IL16: variants seen among roughly 807,000 people sequenced by gnomAD.
The protein encoded by IL16 is interleukin 16.
In IL16, 67 loss-of-function variants were observed where a neutral mutation model predicts 110.1. The ratio of observed to expected loss-of-function variants is 0.61; its 90% CI spans 0.50 to 0.75. IL16 has a LOEUF of 0.75. IL16 is among the 30% of genes least tolerant of loss of function. The probability of loss-of-function intolerance (pLI) is 0.00; values close to 1 mark genes in which losing one functional copy is unlikely to be tolerated. For synonymous variants in IL16, 689 were observed against 662.9 expected, an observed-to-expected ratio of 1.04 and a Z score of -0.61; for missense variants, 1,545 against 1,655.0, an observed-to-expected ratio of 0.93 and a Z score of 1.15.
chr15:81,300,132 C>G lies in IL16; in HGVS notation c.2806C>G (p.Pro936Ala), dbSNP rs555572567. Residue 936 changes from proline (P) to alanine (A), a missense_variant, in exon 14 of 19, where the codon CCT becomes GCT. Physicochemically the swap from Pro to Ala is conservative, Grantham distance 27. Transcript: ENST00000683961. ...GRQPNQKTLP[P>A]GPDPLLRLLS... ...GCAGCCCAATCAGAAAACTCTCCCC[C>G]CTGGCCCGGACCCGCTCCTAAGGCT... is the stretch of plus-strand genomic sequence containing the variant. The G allele has an allele frequency of 6.3e-5, 102 of 1,606,930 alleles. No homozygotes were observed. The highest frequency in any genetic ancestry group is 1.3e-4 in the African/African-American group (10 of 74,818).
rs868611214 is a variant in IL16, at chr15:81,269,618, C to T, written c.645C>T (p.Ser215=). Residue 215 remains serine (S), a synonymous_variant, in exon 5 of 19, where the codon TCC becomes TCT. Transcript: ENST00000683961. ...PSGGLQASVI[S]NIVLMKGQAK... is the part of the protein sequence containing the mutation. The stretch of plus-strand genomic sequence containing the variant: ...GGGGCCTCCAGGCTTCAGTCATCTC[C>T]AACATCGTGCTGATGAAGGGCCAGG... 1 of 1,613,796 alleles carries T rather than the reference C, an allele frequency of 6.2e-7. No homozygotes were observed. Among genetic ancestry groups the T allele is most frequent in the Non-Finnish European group, 8.5e-7 (1 of 1,179,744 alleles).
At chr15:81,261,461 T>C (rs541966333) in intron 3 of IL16, among the ~76,000 whole-genome samples, 2 of 152,152 alleles carry the variant, frequency 1.3e-5, no homozygotes, top group East Asian at 3.9e-4. Context: ...GCCACCAGGG[T>C]GTTTCTTCCT....
At chr15:81,285,887 T>C in intron 10 of IL16, 57 bp downstream of exon 10, 1 of 1,573,838 alleles carries the variant, frequency 6.4e-7, no homozygotes, top group Non-Finnish European at 8.7e-7. Context: ...GTACCAAAAT[T>C]GGAACAAGAA....
intron 1 of IL16, among the ~76,000 whole-genome samples, chr15:81,209,791 C>G (rs1372755903): frequency 6.6e-6 from 1 of 152,184 alleles, no homozygotes; most frequent in Middle Eastern, 3.2e-3. Context: ...GCCAGTGGCC[C>G]TGCACCCAGG....
chr15:81,232,248 G>A lies in IL16; in HGVS notation c.312+6537G>A, dbSNP rs1392788154. ...TTGATTGGAGATTTTTGTTGTTGTT[G>A]TTTATTTTTCAGCATATCCAATCGT... On this transcript the variant is annotated intron_variant, in intron 2 of 18. Transcript: ENST00000683961. Among the ~76,000 whole-genome samples the A allele has an allele frequency of 2.6e-5, 4 of 151,588 alleles. No homozygotes were observed. The East Asian group carries it at 7.7e-4, about 29-fold the overall frequency.
chr15:81,295,611 A>C, intron 12 of IL16: 1 of 738,606 alleles, frequency 1.4e-6, no homozygotes, highest in South Asian at 1.5e-5. Flanking sequence ...TAATGCCATG[A>C]CTCAGCCTTA....
At chr15:81,232,054 T>TTTTTTTTTTTTTTTTTTTTTTTTTTG (rs1567009305) in intron 2 of IL16, among the ~76,000 whole-genome samples, 3 of 133,542 alleles carry the variant, frequency 2.2e-5, no homozygotes, top group African/African-American at 6.1e-5. Flanking sequence ...TTTTTTTTTT[T>TTTTTTTTTTTTTTTTTTTTTTTTTTG]TTTTTTTTTT....
chr15:81,268,336 C>CATGTATTTGTTACCCAAAG (rs1898485672), intron 4 of IL16, among the ~76,000 whole-genome samples: 1 of 90,876 alleles, frequency 1.1e-5, no homozygotes, highest in Non-Finnish European at 2.2e-5. Context: ...GTTTTACAAA[C>CATGTATTTGTTACCCAAAG]AGCTATACAG....
chr15:81,241,426 T>A (rs1897331923), intron 2 of IL16, among the ~76,000 whole-genome samples: 1 of 152,092 alleles, frequency 6.6e-6, no homozygotes, highest in Admixed American at 6.6e-5. Flanking sequence ...ACATGATATA[T>A]TGCTGCATTA....
chr15:81,187,688 T>C lies in IL16; in HGVS notation c.40+4792T>C, dbSNP rs565033015. ...ATTTTTGCTGATAATACACAACTTGTTGCTAACTTTAAAGACCTGATTAAA... is the reference window on the plus strand; with the variant it reads ...ATTTTTGCTGATAATACACAACTTGCTGCTAACTTTAAAGACCTGATTAAA... On this transcript the variant is annotated intron_variant, in intron 1 of 18. Coordinates refer to the IL16 transcript ENST00000302987. Among the ~76,000 whole-genome samples the C allele has an allele frequency of 1.1e-4, 16 of 152,362 alleles. No homozygotes were observed. The South Asian group carries it at 3.3e-3, about 32-fold the overall frequency.
In IL16 at chr15:81,229,085, A is replaced by G. The variant is rs572768807; in HGVS notation, c.312+3374A>G. Among the ~76,000 whole-genome samples, 206 of 152,338 alleles carry G rather than the reference A, an allele frequency of 1.4e-3. 1 individual carries two copies. The highest frequency in any genetic ancestry group is 3.9e-3 in the Admixed American group (59 of 15,298). On this transcript the variant is annotated intron_variant, in intron 2 of 18. Coordinates refer to ENST00000683961, the MANE Select transcript of IL16 (RefSeq NM_172217.5). ...ATGGGGGCACTAATTCTGAGGAATT[A>G]AGCACTTAATGAATTCAAACACATT...
intron 15 of IL16, among the ~76,000 whole-genome samples, chr15:81,302,914 G>T (rs1363290626): frequency 6.6e-6 from 1 of 152,062 alleles, no homozygotes; most frequent in African/African-American, 2.4e-5. Flanking sequence ...GACTCCTATA[G>T]GCATCTGAGT....
At chr15:81,261,551 C>T (rs1049562803) in intron 3 of IL16, among the ~76,000 whole-genome samples, 2 of 152,188 alleles carry the variant, frequency 1.3e-5, no homozygotes, top group Non-Finnish European at 2.9e-5. Context: ...GGTGGCCTGT[C>T]GGTTCCAGTG....
intron 3 of IL16, among the ~76,000 whole-genome samples, chr15:81,265,133 T>C (rs1898315836): frequency 6.6e-6 from 1 of 152,170 alleles, no homozygotes; most frequent in African/African-American, 2.4e-5. Flanking sequence ...GCTTTGCATT[T>C]TTGCAGATAT....
intron 3 of IL16, among the ~76,000 whole-genome samples, chr15:81,261,507 G>A (rs1898156086): frequency 6.6e-6 from 1 of 152,212 alleles, no homozygotes; most frequent in Non-Finnish European, 1.5e-5. Context: ...TGCTGGTGGT[G>A]GCTGTGCCCC....
At chr15:81,264,703 A>C (rs563396022) in intron 3 of IL16, among the ~76,000 whole-genome samples, 87 of 150,072 alleles carry the variant, frequency 5.8e-4, no homozygotes, top group Non-Finnish European at 1.1e-3. Context: ...AGCCACATGT[A>C]GTCTTGAGCA....
intron 3 of IL16, among the ~76,000 whole-genome samples, chr15:81,262,793 T>G (rs1898209916): frequency 6.6e-6 from 1 of 151,412 alleles, no homozygotes; most frequent in Non-Finnish European, 1.5e-5. Flanking sequence ...TAGCCGGGAG[T>G]GGTGGCACAC....
At chr15:81,195,369 T>C (rs891608151), upstream of IL16, among the ~76,000 whole-genome samples, 1 of 152,096 alleles carries the variant, frequency 6.6e-6, no homozygotes, top group Non-Finnish European at 1.5e-5. Context: ...CCTGAGTCTG[T>C]CCTGGCCCCA....
At chr15:81,285,515 T>C (rs1899405370) in intron 9 of IL16, among the ~76,000 whole-genome samples, 183 bp from the exon 10 acceptor site, 2 of 152,232 alleles carry the variant, frequency 1.3e-5, no homozygotes, top group Admixed American at 1.3e-4. Context: ...TAAGGGGGTA[T>C]GGGATATGCT....
Sources: gnomAD v4.1 joint callset for allele counts (sites outside exome capture counted in the v4.1 genomes callset) on GRCh38, gnomAD v4.1.1 for gene constraint, MANE v1.5 for transcripts, NCBI Gene and HGNC (gene_info 2026-07-23, HGNC 2026-07-21) for gene names.